The following SLC4A4 variants were observed in gnomAD, a reference collection of about 807,000 sequenced individuals.
SLC4A4 encodes the protein solute carrier family 4 member 4, also known as electrogenic sodium bicarbonate cotransporter 1.
In SLC4A4, 27 loss-of-function variants were observed where a neutral mutation model predicts 111.5. The ratio of observed to expected loss-of-function variants is 0.24; its 90% CI spans 0.18 to 0.33. The LOEUF (loss-of-function observed/expected upper bound fraction) is 0.33, where lower values mean the gene tolerates loss of function less well. Among genes scored for constraint, SLC4A4 ranks in the 10% least tolerant of loss-of-function variants. SLC4A4 has a pLI of 1.00. For missense variants in SLC4A4, 909 were observed against 1,315.5 expected, an observed-to-expected ratio of 0.69 and a Z score of 4.78; for synonymous variants, 443 against 463.4, an observed-to-expected ratio of 0.96 and a Z score of 0.57.
intron 13 of SLC4A4, among the ~76,000 whole-genome samples, chr4:71,472,303 A>T (rs1463794620): frequency 2.0e-5 from 3 of 151,924 alleles, no homozygotes; most frequent in South Asian, 2.1e-4. Context: ...CAGAAAATAT[A>T]TTGATCTTCA....
intron 2 of SLC4A4, among the ~76,000 whole-genome samples, chr4:71,247,985 C>T (rs1387014408): frequency 1.3e-5 from 2 of 152,056 alleles, no homozygotes; most frequent in Non-Finnish European, 2.9e-5. Context: ...GGAAACTTTG[C>T]CCAAATCAGG....
intron 6 of SLC4A4, among the ~76,000 whole-genome samples, chr4:71,386,753 A>C (rs1718762316): frequency 1.3e-5 from 2 of 152,118 alleles, no homozygotes; most frequent in East Asian, 3.8e-4. Context: ...TTTTATTTCA[A>C]GTTTTCTAAG....
intron 12 of SLC4A4, among the ~76,000 whole-genome samples, chr4:71,457,684 C>T (rs573213529): frequency 6.6e-6 from 1 of 152,100 alleles, no homozygotes; most frequent in Non-Finnish European, 1.5e-5. Context: ...GGCTTTTCAT[C>T]CTTACCATCC....
chr4:71,508,159 A>G (rs1178288222), intron 16 of SLC4A4, among the ~76,000 whole-genome samples: 1 of 152,172 alleles, frequency 6.6e-6, no homozygotes, highest in African/African-American at 2.4e-5. Context: ...TAACAAGCTA[A>G]CATCACAGCT....
At chr4:71,542,734 A>T (rs1489720602) in intron 18 of SLC4A4, among the ~76,000 whole-genome samples, 1 of 151,996 alleles carries the variant, frequency 6.6e-6, no homozygotes, top group East Asian at 1.9e-4. Context: ...AGCACCCTGA[A>T]TTCACCCCTA....
intron 18 of SLC4A4, among the ~76,000 whole-genome samples, chr4:71,545,337 C>T (rs1560607420): frequency 6.6e-6 from 1 of 151,938 alleles, no homozygotes; most frequent in Non-Finnish European, 1.5e-5. Context: ...TAACAGTCAC[C>T]AGGTTCCTAG....
intron 2 of SLC4A4, among the ~76,000 whole-genome samples, chr4:71,111,361 T>A (rs999710587): frequency 9.2e-5 from 14 of 151,988 alleles, no homozygotes; most frequent in African/African-American, 2.9e-4. Flanking sequence ...TTCTTCTTAA[T>A]CTCTATTTAT....
At chr4:71,137,242 C>G (rs540229106) in intron 2 of SLC4A4, among the ~76,000 whole-genome samples, 1 of 152,314 alleles carries the variant, frequency 6.6e-6, no homozygotes, top group South Asian at 2.1e-4. Context: ...AAGCCCTCAT[C>G]TTTCACCCCA....
intron 1 of SLC4A4, among the ~76,000 whole-genome samples, chr4:71,082,881 T>G (rs1742031986): frequency 6.6e-6 from 1 of 150,924 alleles, no homozygotes; most frequent in African/African-American, 2.5e-5. Context: ...GGAGACAGAG[T>G]CTAGCTCTGT....
intron 1 of SLC4A4, among the ~76,000 whole-genome samples, chr4:71,205,411 G>A (rs1212291577): frequency 6.6e-6 from 1 of 151,978 alleles, no homozygotes; most frequent in Non-Finnish European, 1.5e-5. Context: ...AGGAGGTAAG[G>A]CCCCCCCATC....
intron 7 of SLC4A4, among the ~76,000 whole-genome samples, chr4:71,428,500 A>C (rs1159814281): frequency 6.6e-6 from 1 of 152,036 alleles, no homozygotes; most frequent in East Asian, 1.9e-4. Context: ...TTTACTACTG[A>C]TACAGATACC....
chr4:71,539,787 C>T (rs1052051738), intron 18 of SLC4A4, among the ~76,000 whole-genome samples: 4 of 152,048 alleles, frequency 2.6e-5, no homozygotes, highest in African/African-American at 9.7e-5. Flanking sequence ...TGTTTTATTC[C>T]TCTTTTCAGC....
chr4:71,487,569 G>A (rs989366871), intron 15 of SLC4A4, among the ~76,000 whole-genome samples: 2 of 151,536 alleles, frequency 1.3e-5, no homozygotes, highest in Admixed American at 6.6e-5. Flanking sequence ...TTGCATGGAA[G>A]GTCACACACT....
chr4:71,490,288 G>A (rs1304858988), intron 15 of SLC4A4, among the ~76,000 whole-genome samples: 1 of 151,962 alleles, frequency 6.6e-6, no homozygotes, highest in Non-Finnish European at 1.5e-5. Flanking sequence ...TTCTGAAGAA[G>A]TGATTGAAAG....
chr4:71,168,267 C>T (rs7675649), intron 2 of SLC4A4, among the ~76,000 whole-genome samples: 1,562 of 150,102 alleles, frequency 0.01, 29 homozygotes, highest in South Asian at 0.048. Context: ...CCGTAACCTC[C>T]GCGTCCTGGG....
At chr4:71,435,380 C>G (rs1341588170) in intron 7 of SLC4A4, among the ~76,000 whole-genome samples, 1 of 152,128 alleles carries the variant, frequency 6.6e-6, no homozygotes, top group African/African-American at 2.4e-5. Context: ...AACTGGATCC[C>G]TTCCTTACAC....
At chr4:71,108,052 T>C (rs1428999492) in intron 2 of SLC4A4, among the ~76,000 whole-genome samples, 1 of 152,164 alleles carries the variant, frequency 6.6e-6, no homozygotes, top group Non-Finnish European at 1.5e-5. Flanking sequence ...CCAAAACTCC[T>C]CCTTTGTAGC....
chr4:71,317,916 G>A (rs1200797993), intron 3 of SLC4A4, among the ~76,000 whole-genome samples: 1 of 151,944 alleles, frequency 6.6e-6, no homozygotes, highest in African/African-American at 2.4e-5. Flanking sequence ...AAGGAGATAT[G>A]TTCATAATAA....
At chr4:71,276,785 C>T (rs1477253040) in intron 3 of SLC4A4, among the ~76,000 whole-genome samples, 2 of 152,060 alleles carry the variant, frequency 1.3e-5, no homozygotes, top group South Asian at 2.1e-4. Flanking sequence ...TGGTGGCTCA[C>T]GCTTGTAGTC....
Sources: allele counts gnomAD v4.1 joint callset (sites outside exome capture counted in the v4.1 genomes callset), GRCh38; gene constraint gnomAD v4.1.1; transcripts MANE v1.5; gene names NCBI Gene and HGNC (gene_info 2026-07-23, HGNC 2026-07-21).